The following PTPN3 variants were observed in gnomAD, a reference collection of about 807,000 sequenced individuals.
PTPN3 encodes the protein protein tyrosine phosphatase non-receptor type 3, also known as tyrosine-protein phosphatase non-receptor type 3.
A neutral mutation model predicts 132.7 loss-of-function variants in PTPN3; 96 were observed. The ratio of observed to expected loss-of-function variants is 0.72; its 90% CI spans 0.61 to 0.86. The LOEUF (loss-of-function observed/expected upper bound fraction) is 0.86, where lower values mean the gene tolerates loss of function less well. Ranked by LOEUF, PTPN3 falls within the 40% of genes least tolerant of loss-of-function variation. PTPN3 has a pLI of 0.00. For synonymous variants in PTPN3, 398 were observed against 429.0 expected (o/e 0.93, Z 0.89); for missense variants, 1,125 against 1,159.6 (o/e 0.97, Z 0.43).
the PTPN3 span, among the ~76,000 whole-genome samples, chr9:109,515,790 A>G: frequency 3.3e-5 from 5 of 152,202 alleles, no homozygotes; most frequent in Non-Finnish European, 5.9e-5. Context: ...AGGTGAACCA[A>G]TAGAGTGAAA....
chr9:109,505,317 G>C, the PTPN3 span, among the ~76,000 whole-genome samples: 45 of 152,358 alleles, frequency 3.0e-4, no homozygotes, highest in South Asian at 5.6e-3. Flanking sequence ...CTGTCACCCA[G>C]ACTGGAGTAT....
intron 1 of PTPN3, among the ~76,000 whole-genome samples, chr9:109,484,422 T>G (rs1373142075): frequency 5.3e-5 from 8 of 152,184 alleles, no homozygotes; most frequent in Admixed American, 5.2e-4. Flanking sequence ...TCACCACCTG[T>G]GCTGAGAGCT....
chr9:109,391,479 A>G lies in PTPN3; in HGVS notation c.2036T>C (p.Val679Ala). The G allele has an allele frequency of 6.2e-7, 1 of 1,612,608 alleles. No homozygotes were observed. The highest frequency in any genetic ancestry group is 1.1e-5 in the South Asian group (1 of 91,020). The change falls in exon 20 of 26, where the codon GTG becomes GCG. Residue 679 changes from valine to alanine, a missense_variant. Val to Ala is a moderately conservative substitution (Grantham distance 64). Transcript: ENST00000374541. ...TCATGCCGGATACTCACAAGGCAGC[A>G]CATCTTTATATCGGTTTTTGTCCAA... Reference protein sequence around the residue: ...QNLDKNRYKDVLPYDTTRVLL... With the variant: ...QNLDKNRYKDALPYDTTRVLL...
chr9:109,529,134 G>T, the PTPN3 span, among the ~76,000 whole-genome samples: 1 of 152,176 alleles, frequency 6.6e-6, no homozygotes, highest in Admixed American at 6.5e-5. Context: ...TGGGACTTCA[G>T]TATCTATACT....
intron 6 of PTPN3, among the ~76,000 whole-genome samples, chr9:109,446,981 C>T (rs1284515497): frequency 6.6e-6 from 1 of 152,172 alleles, no homozygotes; most frequent in Non-Finnish European, 1.5e-5. Context: ...AAAAGTGCTC[C>T]ATATGTTCCA....
Position 109,377,395 on chromosome 9 carries a change from T to TACACACACACACACACACACAC in PTPN3, c.*2139_*2160dup, listed in dbSNP as rs55719272. On this transcript the variant is annotated 3_prime_UTR_variant, in exon 26 of 26. Transcript: ENST00000374541. ...AGGCAACACATCAAGATCCTGTCTC[T>TACACACACACACACACACACAC]ACACACACACACACACACACACACA... The TACACACACACACACACACACAC allele has an allele frequency of 9.4e-5, 10 of 106,912 alleles. No individual in the cohort carries two copies. The highest frequency in any genetic ancestry group is 1.5e-4 in the Non-Finnish European group (8 of 53,268). The allele number at this position is 106,912 out of a possible 1,614,324, so 6.6% of individuals were successfully genotyped here.
intron 18 of PTPN3, among the ~76,000 whole-genome samples, chr9:109,405,621 A>G (rs6477706): frequency 0.85 from 129,752 of 152,152 alleles, 55,647 homozygotes; most frequent in African/African-American, 0.95. Context: ...ATGGAGTCTC[A>G]CTCTGTCACC....
At chr9:109,480,017 CTAG>C (rs1424393715) in intron 1 of PTPN3, among the ~76,000 whole-genome samples, 1 of 152,192 alleles carries the variant, frequency 6.6e-6, no homozygotes, top group Non-Finnish European at 1.5e-5. Flanking sequence ...CATAACCATT[CTAG>C]TAGGTGTGCA....
At chr9:109,408,478 C>G (rs56173897) in intron 16 of PTPN3, 101 bp from the exon 17 acceptor site, 32,361 of 799,062 alleles carry the variant, frequency 0.04, 915 homozygotes, top group Non-Finnish European at 0.053. Context: ...CATGGAGGTA[C>G]CAATAAATGT....
intron 1 of PTPN3, among the ~76,000 whole-genome samples, chr9:109,478,183 C>T (rs969868626): frequency 1.3e-5 from 2 of 152,138 alleles, no homozygotes; most frequent in African/African-American, 4.8e-5. Context: ...AAGGAGAGGG[C>T]GGCTCAGACC....
At chr9:109,534,219 A>G in the PTPN3 span, 1 of 1,369,402 alleles carries the variant, frequency 7.3e-7, no homozygotes, top group Non-Finnish European at 1.0e-6. Flanking sequence ...CTCCCGGGCC[A>G]CCGTTTCCTG....
chr9:109,499,962 G>C (rs1847838335), upstream of PTPN3, among the ~76,000 whole-genome samples: 2 of 152,208 alleles, frequency 1.3e-5, no homozygotes, highest in African/African-American at 2.4e-5. Flanking sequence ...AGCCGGGCGG[G>C]GCCGGAGCCC....
At chr9:109,501,673 A>G (rs1564494794), upstream of PTPN3, among the ~76,000 whole-genome samples, 1 of 152,232 alleles carries the variant, frequency 6.6e-6, no homozygotes, top group Non-Finnish European at 1.5e-5. Context: ...TTCTTAGGCT[A>G]TTGTTGAACT....
intron 9 of PTPN3, among the ~76,000 whole-genome samples, chr9:109,435,356 G>C (rs1843967195): frequency 6.6e-6 from 1 of 152,106 alleles, no homozygotes; most frequent in Non-Finnish European, 1.5e-5. Flanking sequence ...GTCTCTTTTG[G>C]GCTGAAGCAT....
intron 1 of PTPN3, among the ~76,000 whole-genome samples, chr9:109,492,099 C>G (rs1337565760): frequency 2.6e-5 from 4 of 152,148 alleles, no homozygotes; most frequent in Non-Finnish European, 4.4e-5. Flanking sequence ...ATAACCAGAG[C>G]AGGGGAGGGG....
chr9:109,434,850 A>G (rs1284336860), intron 9 of PTPN3, among the ~76,000 whole-genome samples: 2 of 152,248 alleles, frequency 1.3e-5, no homozygotes, highest in African/African-American at 2.4e-5. Context: ...CGTGGAAGAC[A>G]TAAGAAACGT....
chr9:109,521,385 C>T, the PTPN3 span, among the ~76,000 whole-genome samples: 3 of 152,118 alleles, frequency 2.0e-5, no homozygotes, highest in Non-Finnish European at 4.4e-5. Flanking sequence ...GTTTCGAACT[C>T]CCGAACTTAG....
chr9:109,537,581 G>A, the PTPN3 span, among the ~76,000 whole-genome samples: 8 of 151,904 alleles, frequency 5.3e-5, no homozygotes, highest in Admixed American at 5.2e-4. Flanking sequence ...CTACTGTCAC[G>A]TTGTCTTTTC....
chr9:109,518,284 T>A, the PTPN3 span, among the ~76,000 whole-genome samples: 24 of 152,232 alleles, frequency 1.6e-4, no homozygotes, highest in Non-Finnish European at 3.1e-4. Flanking sequence ...CCAGGCTCTA[T>A]GCCAGGAGCT....
Sources: gnomAD v4.1 joint callset for allele counts (sites outside exome capture counted in the v4.1 genomes callset) on GRCh38, gnomAD v4.1.1 for gene constraint, MANE v1.5 for transcripts, NCBI Gene and HGNC (gene_info 2026-07-23, HGNC 2026-07-21) for gene names.